Variants in HACE1 observed in about 807,000 individuals in gnomAD.
HACE1 encodes E3 ubiquitin-protein ligase HACE1.
In HACE1, 73 loss-of-function variants were observed where a neutral mutation model predicts 118.4. The observed-to-expected ratio is 0.62, with a 90% CI of 0.51 to 0.75. HACE1 has a LOEUF of 0.75. HACE1 is among the 30% of genes least tolerant of loss of function. The pLI is 0.00. For missense variants in HACE1, 749 were observed against 1,102.2 expected, an observed-to-expected ratio of 0.68 and a Z score of 4.54; for synonymous variants, 368 against 374.8, an observed-to-expected ratio of 0.98 and a Z score of 0.21.
At chr6:104,850,019 G>T (rs1286927150) in intron 3 of HACE1, among the ~76,000 whole-genome samples, 17 of 138,934 alleles carry the variant, frequency 1.2e-4, no homozygotes, top group Admixed American at 1.1e-3. Flanking sequence ...GCACAATCTT[G>T]GCTCACTGCA....
chr6:104,738,752 T>C (rs1776249073), intron 22 of HACE1, among the ~76,000 whole-genome samples: 2 of 145,094 alleles, frequency 1.4e-5, no homozygotes, highest in Non-Finnish European at 3.0e-5. Flanking sequence ...CTGCAGGATA[T>C]TATCCAGGAG....
Position 104,852,389 on chromosome 6 carries a change from A to C in HACE1, c.77-18T>G. The stretch of plus-strand genomic sequence containing the variant: ...TTCATTATCTGAGTAAAAAAAAACA[A>C]AGAGTTCATTTATCCCCTACTTTGT... On this transcript the variant is annotated intron_variant, in intron 1 of 23. Transcript: ENST00000262903. 1 of 976,122 alleles carries C rather than the reference A, an allele frequency of 1.0e-6. No homozygotes were observed. Among genetic ancestry groups the C allele is most frequent in the Non-Finnish European group, 1.6e-6 (1 of 634,870 alleles). 60.5% of individuals were successfully genotyped at this position (976,122 alleles called of 1,614,324 possible). A position where few individuals can be genotyped will look rare whatever the true frequency, so the allele number is the denominator to read the frequency against.
At chr6:104,756,702 G>C (rs1484301812) in intron 19 of HACE1, among the ~76,000 whole-genome samples, 1 of 152,102 alleles carries the variant, frequency 6.6e-6, no homozygotes, top group Admixed American at 6.5e-5. Context: ...TTGGACAGTG[G>C]GTGCAGCCCA....
chr6:104,730,331 G>T lies in HACE1; in HGVS notation c.2599C>A (p.Pro867Thr). ...NFTIAAVPYT[P>T]NLLPTSSTCI... ...GTGCTTGAAGTTGGTAAAAGATTTG[G>T]AGTATATGGCACAGCAGCGATTGTA... The change falls in exon 23 of 24, where the codon CCA becomes ACA. Residue 867 changes from proline (P) to threonine (T), a missense_variant. By Grantham distance (38) the Pro-to-Thr change is conservative (BLOSUM62 -1). Coordinates refer to ENST00000262903, the MANE Select transcript of HACE1 (RefSeq NM_020771.4). 6.4e-7 allele frequency: 1 copy of T among 1,571,430 alleles called. No individual in the cohort carries two copies. Among genetic ancestry groups the T allele is most frequent in the Non-Finnish European group, 8.8e-7 (1 of 1,141,006 alleles).
intron 7 of HACE1, among the ~76,000 whole-genome samples, chr6:104,797,532 C>A (rs937011810): frequency 6.6e-6 from 1 of 151,484 alleles, no homozygotes; most frequent in South Asian, 2.1e-4. Flanking sequence ...AAAAGTAAAA[C>A]CAATGTAAGA....
intron 23 of HACE1, among the ~76,000 whole-genome samples, chr6:104,730,062 A>C (rs1458132466): frequency 2.6e-5 from 4 of 152,160 alleles, no homozygotes; most frequent in Non-Finnish European, 4.4e-5. Flanking sequence ...ACGGTAGTGT[A>C]ACTTTAGTGA....
chr6:104,832,893 T>C (rs949714244), intron 6 of HACE1, 149 bp downstream of exon 6: 2 of 712,966 alleles, frequency 2.8e-6, no homozygotes, highest in East Asian at 2.9e-5. Context: ...AGTGAGGCCC[T>C]GTCTCAAAAA....
intron 5 of HACE1, among the ~76,000 whole-genome samples, chr6:104,837,957 T>C (rs1157040606): frequency 2.0e-5 from 3 of 152,148 alleles, no homozygotes; most frequent in Non-Finnish European, 4.4e-5. Context: ...TAATCCCATT[T>C]ATGACAGCTA....
At chr6:104,730,160 TA>T in intron 23 of HACE1, 142 bp downstream of exon 23, 1 of 673,932 alleles carries the variant, frequency 1.5e-6, no homozygotes, top group East Asian at 2.7e-5. Context: ...AAAAACTACA[TA>T]ATTACTCATC....
intron 7 of HACE1, among the ~76,000 whole-genome samples, chr6:104,800,296 A>G (rs1045000399): frequency 2.0e-5 from 3 of 152,196 alleles, no homozygotes; most frequent in Non-Finnish European, 4.4e-5. Flanking sequence ...GCATAGCTGA[A>G]AAAAAGGCAG....
At chr6:104,735,377 A>G (rs548814800) in intron 22 of HACE1, among the ~76,000 whole-genome samples, 155 of 152,318 alleles carry the variant, frequency 1.0e-3, no homozygotes, top group African/African-American at 3.7e-3. Flanking sequence ...GCCTACATGT[A>G]ATCCCAGCAT....
At chr6:104,747,326 CCA>C (rs1195986341) in intron 20 of HACE1, among the ~76,000 whole-genome samples, 2 of 152,030 alleles carry the variant, frequency 1.3e-5, no homozygotes, top group African/African-American at 4.8e-5. Flanking sequence ...GAAGAACAGT[CCA>C]CAGTCATCTC....
chr6:104,732,069 A>T (rs1382447887), intron 22 of HACE1: 1 of 152,194 alleles, frequency 6.6e-6, no homozygotes, highest in African/African-American at 2.4e-5. Flanking sequence ...ACAGAAAATT[A>T]CAAGTATTGG....
intron 19 of HACE1, 48 bp from the exon 20 acceptor site, chr6:104,750,520 T>C (rs762447119): frequency 6.6e-7 from 1 of 1,507,488 alleles, no homozygotes; most frequent in South Asian, 1.1e-5. Flanking sequence ...ACCTTTTACA[T>C]ACTTAATGTT....
intron 19 of HACE1, chr6:104,767,075 T>G (rs1255713272): frequency 6.6e-6 from 1 of 152,250 alleles, no homozygotes; most frequent in Non-Finnish European, 1.5e-5. Flanking sequence ...ATATTAAGGC[T>G]GTTTCCACAC....
At chr6:104,841,599 A>G (rs931915669) in intron 5 of HACE1, among the ~76,000 whole-genome samples, 1 of 152,208 alleles carries the variant, frequency 6.6e-6, no homozygotes, top group Non-Finnish European at 1.5e-5. Context: ...AGTTTATTCT[A>G]TAATAAGCCA....
intron 19 of HACE1, 47 bp downstream of exon 19, chr6:104,771,146 A>C: frequency 7.4e-7 from 1 of 1,358,922 alleles, no homozygotes; most frequent in South Asian, 1.2e-5. Context: ...GCAAACTATC[A>C]GGGCCAAGTT....
chr6:104,791,438 T>C (rs912476078), intron 11 of HACE1, 66 bp downstream of exon 11: 1 of 1,366,524 alleles, frequency 7.3e-7, no homozygotes, highest in Admixed American at 1.7e-5. Flanking sequence ...GATTAATGAA[T>C]GCATGCTTTG....
In HACE1 at chr6:104,796,769, T is replaced by C. The variant is rs750362950; in HGVS notation, c.715-13A>G. 24 of 1,434,506 alleles carry C rather than the reference T, an allele frequency of 1.7e-5. No homozygotes were observed. In the Admixed American group the frequency reaches 3.5e-4, roughly 21 times the overall value. The allele number at this position is 1,434,506 out of a possible 1,614,324, so 88.9% of individuals were successfully genotyped here. The stretch of plus-strand genomic sequence containing the variant: ...CTCCATATCCACCCTAAAAACAAGA[T>C]CTAAAATTATCCAGGTTTAAAAACA... On this transcript the variant is annotated splice_polypyrimidine_tract_variant and intron_variant, in intron 8 of 23. Coordinates refer to ENST00000262903, the MANE Select transcript of HACE1 (RefSeq NM_020771.4).
Sources: allele counts gnomAD v4.1 joint callset (sites outside exome capture counted in the v4.1 genomes callset), GRCh38; gene constraint gnomAD v4.1.1; transcripts MANE v1.5; gene names NCBI Gene and HGNC (gene_info 2026-07-23, HGNC 2026-07-21).